Variants in DNAH14 observed in about 807,000 individuals in gnomAD.
DNAH14 encodes the protein dynein axonemal heavy chain 14, also known as axonemal beta dynein heavy chain 14.
DNAH14 carries 478 observed loss-of-function variants against 520.9 expected under a neutral mutation model. The ratio of observed to expected loss-of-function variants is 0.92; its 90% CI spans 0.85 to 0.99. The LOEUF (loss-of-function observed/expected upper bound fraction) is 0.99. DNAH14 is among the 50% of genes least tolerant of loss of function. The pLI, the probability that DNAH14 is intolerant of heterozygous loss-of-function variation, is 0.00. For synonymous variants in DNAH14, 1,581 were observed against 1,757.2 expected, an observed-to-expected ratio of 0.90 and a Z score of 2.51; for missense variants, 4,831 against 5,234.5, an observed-to-expected ratio of 0.92 and a Z score of 2.38.
chr1:225,115,631 A>T (rs2076814446), intron 23 of DNAH14, among the ~76,000 whole-genome samples: 1 of 152,052 alleles, frequency 6.6e-6, no homozygotes, highest in South Asian at 2.1e-4. Flanking sequence ...TGAAATCTGC[A>T]CTCTGGAGCA....
intron 41 of DNAH14, among the ~76,000 whole-genome samples, chr1:225,214,705 A>T (rs984742240): frequency 6.6e-6 from 1 of 152,134 alleles, no homozygotes; most frequent in South Asian, 2.1e-4. Context: ...AGAGGTGTTT[A>T]TAGTATTCTC....
chr1:225,120,072 G>A (rs2077170968), intron 26 of DNAH14, among the ~76,000 whole-genome samples: 1 of 152,190 alleles, frequency 6.6e-6, no homozygotes, highest in Non-Finnish European at 1.5e-5. Flanking sequence ...ACACAAGCCA[G>A]CTGTATAGGA....
intron 58 of DNAH14, among the ~76,000 whole-genome samples, chr1:225,307,042 G>T (rs1488608005): frequency 1.3e-5 from 2 of 151,838 alleles, no homozygotes; most frequent in Admixed American, 6.6e-5. Flanking sequence ...TAAATGAGAG[G>T]TACCCTTATG....
intron 1 of DNAH14, among the ~76,000 whole-genome samples, chr1:224,939,808 G>C (rs572067664): frequency 6.6e-6 from 1 of 152,296 alleles, no homozygotes; most frequent in South Asian, 2.1e-4. Context: ...ATATGGTTTG[G>C]CTCAGTGTCC....
intron 23 of DNAH14, among the ~76,000 whole-genome samples, chr1:225,103,100 CT>C (rs1229926228): frequency 6.6e-6 from 1 of 152,180 alleles, no homozygotes; most frequent in African/African-American, 2.4e-5. Flanking sequence ...TTTCAGCTTT[CT>C]ACATATGGCT....
intron 84 of DNAH14, chr1:225,395,724 G>A (rs988652703): frequency 6.6e-6 from 1 of 152,170 alleles, no homozygotes; most frequent in African/African-American, 2.4e-5. Context: ...TGTCTTTAGG[G>A]TTCTCACAGT....
chr1:225,181,100 T>C (rs991443327), intron 36 of DNAH14, among the ~76,000 whole-genome samples: 1 of 152,230 alleles, frequency 6.6e-6, no homozygotes, highest in Admixed American at 6.5e-5. Flanking sequence ...GTTTCAGTGC[T>C]AATTTGTATA....
intron 58 of DNAH14, among the ~76,000 whole-genome samples, chr1:225,306,931 G>T (rs1368590074): frequency 1.3e-5 from 2 of 151,884 alleles, no homozygotes; most frequent in East Asian, 1.9e-4. Context: ...GGGTAGATAT[G>T]GGGGGAGAAA....
intron 5 of DNAH14, among the ~76,000 whole-genome samples, chr1:224,965,023 A>G (rs188656267): frequency 9.4e-4 from 143 of 152,044 alleles, no homozygotes; most frequent in Non-Finnish European, 1.2e-4. Context: ...CTGATTTTCT[A>G]TCTCGTCTGG....
chr1:225,253,707 T>C (rs2092638739), intron 44 of DNAH14, among the ~76,000 whole-genome samples: 1 of 152,188 alleles, frequency 6.6e-6, no homozygotes, highest in Admixed American at 6.6e-5. Context: ...AGCTATTTTC[T>C]AATGTGCTTA....
intron 55 of DNAH14, among the ~76,000 whole-genome samples, chr1:225,297,620 C>T (rs2094038543): frequency 6.6e-6 from 1 of 152,076 alleles, no homozygotes; most frequent in South Asian, 2.1e-4. Context: ...GTAGTTTCTT[C>T]AGTTGTAATC....
intron 10 of DNAH14, among the ~76,000 whole-genome samples, chr1:225,019,257 A>G (rs1202290244): frequency 7.5e-5 from 11 of 146,872 alleles, no homozygotes; most frequent in Non-Finnish European, 1.7e-4. Flanking sequence ...CAAAAAAAAA[A>G]GAGCAGAGGT....
chr1:225,079,562 GT>G lies in DNAH14; in HGVS notation c.2766+21del, dbSNP rs757237785. The G allele has an allele frequency of 3.9e-4, 586 of 1,486,316 alleles. 1 individual carries two copies. Among genetic ancestry groups the G allele is most frequent in the South Asian group, 1.4e-3 (102 of 72,512 alleles). The allele number at this position is 1,486,316 out of a possible 1,614,324, so 92.1% of individuals were successfully genotyped here. A position where few individuals can be genotyped will look rare whatever the true frequency, so the allele number is the denominator to read the frequency against. On this transcript the variant is annotated intron_variant, in intron 18 of 85. Coordinates refer to ENST00000682510, the MANE Select transcript of DNAH14 (RefSeq NM_001367479.1). ...TTAAAAGCCAAGGTAAGTTTTTAGGGTTTTTTTGGATTTTTTTTTTATTAAA... is the reference window on the plus strand; with the variant it reads ...TTAAAAGCCAAGGTAAGTTTTTAGGGTTTTTTGGATTTTTTTTTTATTAAA...
At chr1:224,960,082 G>T (rs12093545) in intron 3 of DNAH14, 71 bp from the exon 4 acceptor site, 1 of 1,384,798 alleles carries the variant, frequency 7.2e-7, no homozygotes, top group East Asian at 2.5e-5. Context: ...GTATTGCTGG[G>T]TATGTGGAAT....
At chr1:225,155,288 A>G (rs1247264156) in intron 34 of DNAH14, among the ~76,000 whole-genome samples, 2 of 152,190 alleles carry the variant, frequency 1.3e-5, no homozygotes, top group Non-Finnish European at 2.9e-5. Flanking sequence ...ATCTATCAAC[A>G]TGATAACTGT....
intron 36 of DNAH14, among the ~76,000 whole-genome samples, chr1:225,174,096 C>A (rs1467571336): frequency 6.6e-6 from 1 of 152,032 alleles, no homozygotes; most frequent in African/African-American, 2.4e-5. Flanking sequence ...GAACATCACA[C>A]ACCAGGGCCT....
intron 77 of DNAH14, among the ~76,000 whole-genome samples, chr1:225,373,113 T>G (rs1487049085): frequency 1.3e-5 from 2 of 148,456 alleles, no homozygotes; most frequent in African/African-American, 4.9e-5. Flanking sequence ...CCACTGAACA[T>G]TGATAGCCGA....
At chr1:225,224,127 T>C (rs569365850) in intron 41 of DNAH14, among the ~76,000 whole-genome samples, 3 of 152,236 alleles carry the variant, frequency 2.0e-5, no homozygotes, top group South Asian at 2.1e-4. Flanking sequence ...TACTGGGTGA[T>C]ATTAATTGGC....
intron 48 of DNAH14, 149 bp downstream of exon 48, chr1:225,265,518 T>G: frequency 1.6e-6 from 1 of 624,800 alleles, no homozygotes; most frequent in East Asian, 3.4e-5. Context: ...AAACTTTGAT[T>G]TTCAGATCAA....
Sources: allele counts gnomAD v4.1 joint callset (sites outside exome capture counted in the v4.1 genomes callset), GRCh38; gene constraint gnomAD v4.1.1; transcripts MANE v1.5; gene names NCBI Gene and HGNC (gene_info 2026-07-23, HGNC 2026-07-21).